COL6A6: variants seen among roughly 807,000 people sequenced by gnomAD.
COL6A6 encodes the protein collagen type VI alpha 6 chain.
Under a neutral mutation model 208.6 loss-of-function variants are expected in COL6A6, and 183 were observed. The ratio of observed to expected loss-of-function variants is 0.88; its 90% CI spans 0.78 to 0.99. The LOEUF (loss-of-function observed/expected upper bound fraction) is 0.99, where lower values mean the gene tolerates loss of function less well. Ranked by LOEUF, COL6A6 falls within the 50% of genes least tolerant of loss-of-function variation. The pLI is 0.00. For synonymous variants in COL6A6, 973 were observed against 1,011.8 expected (o/e 0.96, Z 0.73); for missense variants, 2,816 against 2,815.2 (o/e 1.00, Z -0.01).
chr3:130,548,384 C>T (rs2062567809), intron 1 of COL6A6, among the ~76,000 whole-genome samples: 2 of 152,102 alleles, frequency 1.3e-5, no homozygotes, highest in South Asian at 4.1e-4. Flanking sequence ...CTTCTCAGGC[C>T]CCTGTCCCAC....
At chr3:130,585,595 CT>C (rs1374544389) in intron 10 of COL6A6, among the ~76,000 whole-genome samples, 45 of 152,168 alleles carry the variant, frequency 3.0e-4, no homozygotes, top group Admixed American at 2.9e-3. Context: ...ATTGGCAACC[CT>C]ATGTTGGTCC....
intron 23 of COL6A6, among the ~76,000 whole-genome samples, chr3:130,619,608 A>T (rs2064646520): frequency 6.6e-6 from 1 of 152,216 alleles, no homozygotes; most frequent in South Asian, 2.1e-4. Flanking sequence ...AAAAGGGTGG[A>T]GAATGGATTA....
At chr3:130,561,594 AG>A (rs1479870870) in intron 2 of COL6A6, among the ~76,000 whole-genome samples, 1 of 151,314 alleles carries the variant, frequency 6.6e-6, no homozygotes, top group African/African-American at 2.4e-5. Flanking sequence ...TTGGAATCTC[AG>A]AGTGAGGAGG....
intron 1 of COL6A6, among the ~76,000 whole-genome samples, chr3:130,530,273 G>A (rs549734497): frequency 6.6e-6 from 1 of 152,104 alleles, no homozygotes; most frequent in Admixed American, 6.5e-5. Flanking sequence ...AATACCGTCT[G>A]AAGCTTGTTC....
intron 8 of COL6A6, among the ~76,000 whole-genome samples, chr3:130,581,239 T>A (rs2063413324): frequency 6.6e-6 from 1 of 152,200 alleles, no homozygotes; most frequent in Admixed American, 6.5e-5. Flanking sequence ...TATTTTAGAC[T>A]AATGACATTT....
Position 130,568,265 on chromosome 3 carries a change from G to A in COL6A6, c.2062G>A (p.Ala688Thr). ...CATGTCCCAAAGCGACATTTCAAATGCAATAGACCAAATGGCTCACATTGG... is the reference window on the plus strand; with the variant it reads ...CATGTCCCAAAGCGACATTTCAAATACAATAGACCAAATGGCTCACATTGG... ...RFMSQSDISN[A>T]IDQMAHIGQT... is the part of the protein sequence containing the mutation. The change falls in exon 6 of 37, where the codon GCA becomes ACA. Residue 688 changes from alanine (A) to threonine (T), a missense_variant. Coordinates refer to ENST00000358511, the MANE Select transcript of COL6A6 (RefSeq NM_001102608.3). The A allele has an allele frequency of 6.2e-7, 1 of 1,614,004 alleles. No homozygotes were observed. The highest frequency in any genetic ancestry group is 1.1e-5 in the South Asian group (1 of 91,072).
chr3:130,626,745 ACAT>A (rs1413754816), intron 25 of COL6A6, among the ~76,000 whole-genome samples, 198 bp downstream of exon 25: 1 of 152,188 alleles, frequency 6.6e-6, no homozygotes. Context: ...CAGGTGCCAA[ACAT>A]CATGGCCAGA....
In COL6A6 at chr3:130,517,350, C is replaced by T. The variant is rs1710793560; in HGVS notation, c.-79C>T. ...GTGCGCGTCCAGAGGAAATCCGCCC[C>T]GGGCTTTCGAAGTGCAGGGCTGGGG... On this transcript the variant is annotated 5_prime_UTR_variant, in exon 1 of 37. Coordinates refer to ENST00000358511, the MANE Select transcript of COL6A6 (RefSeq NM_001102608.3). Among the ~76,000 whole-genome samples, 1 of 152,252 alleles carries T rather than the reference C, an allele frequency of 6.6e-6. No homozygotes were observed. Among genetic ancestry groups the T allele is most frequent in the Non-Finnish European group, 1.5e-5 (1 of 68,044 alleles).
chr3:130,618,759 C>G (rs1343214835), intron 23 of COL6A6, among the ~76,000 whole-genome samples: 1 of 152,170 alleles, frequency 6.6e-6, no homozygotes, highest in Non-Finnish European at 1.5e-5. Context: ...ATGGCAAGGT[C>G]CTGTATGTAT....
intron 24 of COL6A6, 48 bp from the exon 25 acceptor site, chr3:130,626,437 G>C (rs1405185989): frequency 2.3e-6 from 3 of 1,293,516 alleles, no homozygotes; most frequent in African/African-American, 2.9e-5. Context: ...CTGAATTAGT[G>C]CCATCATTTC....
intron 1 of COL6A6, among the ~76,000 whole-genome samples, chr3:130,532,436 C>T (rs1229652508): frequency 2.6e-5 from 4 of 152,208 alleles, no homozygotes; most frequent in African/African-American, 7.2e-5. Flanking sequence ...CTACCCCTTG[C>T]GTCCCCAATC....
intron 1 of COL6A6, among the ~76,000 whole-genome samples, chr3:130,541,133 A>G (rs967045612): frequency 2.0e-5 from 3 of 152,244 alleles, no homozygotes; most frequent in Non-Finnish European, 4.4e-5. Flanking sequence ...AAACAACCCC[A>G]TTAAAACGTG....
chr3:130,579,699 C>T (rs1226161487), intron 8 of COL6A6, among the ~76,000 whole-genome samples: 1 of 152,206 alleles, frequency 6.6e-6, no homozygotes, highest in Non-Finnish European at 1.5e-5. Context: ...TTCCAAAACT[C>T]CCTGCCTCCA....
chr3:130,599,420 ACC>A (rs1451140920), intron 19 of COL6A6, among the ~76,000 whole-genome samples: 1,746 of 152,326 alleles, frequency 0.011, 34 homozygotes, highest in African/African-American at 0.04. Flanking sequence ...TAGTAGCCAT[ACC>A]TGACACATAG....
In COL6A6 at chr3:130,626,615, G is replaced by A. The variant is rs530823971; in HGVS notation, c.4941+68G>A. ...TTTAGTTCAGTAGACATCTGGTGTG[G>A]TTCTCTGAAGAGAGTTTTAAGGATA... On this transcript the variant is annotated intron_variant, in intron 25 of 36. Coordinates refer to ENST00000358511, the MANE Select transcript of COL6A6 (RefSeq NM_001102608.3). 44 of 1,067,392 alleles carry A rather than the reference G, an allele frequency of 4.1e-5. No individual in the cohort carries two copies. In the East Asian group the frequency reaches 4.3e-4, roughly 10 times the overall value. The allele number at this position is 1,067,392 out of a possible 1,614,324, so 66.1% of individuals were successfully genotyped here. A position where few individuals can be genotyped will look rare whatever the true frequency, so the allele number is the denominator to read the frequency against.
intron 24 of COL6A6, among the ~76,000 whole-genome samples, chr3:130,625,460 C>T (rs1179929379): frequency 6.6e-6 from 1 of 152,174 alleles, no homozygotes; most frequent in Non-Finnish European, 1.5e-5. Context: ...TCAAGGTTAA[C>T]ATCAACACTG....
intron 1 of COL6A6, among the ~76,000 whole-genome samples, chr3:130,539,651 ATTTC>A (rs2062312850): frequency 9.1e-6 from 1 of 109,892 alleles, no homozygotes; most frequent in African/African-American, 2.8e-5. Flanking sequence ...AAAAAAATTT[ATTTC>A]TTTGAGTTCC....
chr3:130,537,190 G>A (rs189160261), intron 1 of COL6A6, among the ~76,000 whole-genome samples: 1 of 152,320 alleles, frequency 6.6e-6, no homozygotes, highest in East Asian at 1.9e-4. Flanking sequence ...CACAGTTAGG[G>A]ACACTACATT....
In COL6A6 at chr3:130,565,333, A is replaced by C. The variant is rs1310534401; in HGVS notation, c.1001A>C (p.Gln334Pro). ...NGSRKNQGVP[Q>P]IAVLVTHRDS... Reference sequence around the variant, plus strand: ...AGTCGGAAGAATCAGGGGGTGCCCCAGATTGCCGTGCTGGTGACCCACCGA... The same window carrying C: ...AGTCGGAAGAATCAGGGGGTGCCCCCGATTGCCGTGCTGGTGACCCACCGA... Residue 334 changes from glutamine (Q) to proline (P), a missense_variant, in exon 4 of 37, where the codon CAG becomes CCG. Gln to Pro is a moderately conservative substitution (Grantham distance 76). Coordinates refer to ENST00000358511, the MANE Select transcript of COL6A6 (RefSeq NM_001102608.3). 6.2e-7 allele frequency: 1 copy of C among 1,612,116 alleles called. No homozygotes were observed. The highest frequency in any genetic ancestry group is 8.5e-7 in the Non-Finnish European group (1 of 1,179,312).
Sources: gnomAD v4.1 joint callset for allele counts (sites outside exome capture counted in the v4.1 genomes callset) on GRCh38, gnomAD v4.1.1 for gene constraint, MANE v1.5 for transcripts, NCBI Gene and HGNC (gene_info 2026-07-23, HGNC 2026-07-21) for gene names.